The following FHAD1 variants were observed in gnomAD, a reference collection of about 807,000 sequenced individuals.
FHAD1 encodes forkhead associated phosphopeptide binding domain 1, also known as forkhead-associated domain-containing protein 1.
FHAD1 carries 146 observed loss-of-function variants against 191.3 expected under a neutral mutation model. The observed-to-expected ratio is 0.76, with a 90% CI of 0.67 to 0.88. The LOEUF is 0.88. FHAD1 is among the 40% of genes least tolerant of loss of function. The pLI is 0.00. For missense variants in FHAD1, 1,635 were observed against 1,785.8 expected, an observed-to-expected ratio of 0.92 and a Z score of 1.52; for synonymous variants, 616 against 672.3, an observed-to-expected ratio of 0.92 and a Z score of 1.29.
intron 29 of FHAD1, 136 bp downstream of exon 29, chr1:15,380,932 C>G: frequency 1.5e-6 from 1 of 675,912 alleles, no homozygotes; most frequent in Non-Finnish European, 2.5e-6. Context: ...GACCTACCTA[C>G]TATCCCAGCA....
intron 16 of FHAD1, among the ~76,000 whole-genome samples, chr1:15,344,458 A>G (rs56868486): frequency 6.6e-6 from 1 of 152,378 alleles, no homozygotes; most frequent in East Asian, 1.9e-4. Flanking sequence ...TGTCCCATAA[A>G]GAGCCAGATA....
chr1:15,322,926 A>C (rs1231163628), intron 10 of FHAD1, among the ~76,000 whole-genome samples: 1 of 152,200 alleles, frequency 6.6e-6, no homozygotes, highest in Non-Finnish European at 1.5e-5. Flanking sequence ...ATGGCTAGGG[A>C]GGCCTCAGAA....
chr1:15,269,915 C>CTTTTT (rs144971337), intron 2 of FHAD1, among the ~76,000 whole-genome samples: 10 of 123,088 alleles, frequency 8.1e-5, no homozygotes, highest in African/African-American at 1.8e-4. Flanking sequence ...TTATGGCTCT[C>CTTTTT]TTTTTTTTTT....
At chr1:15,250,268 C>T (rs1432291282) in intron 1 of FHAD1, among the ~76,000 whole-genome samples, 1 of 152,214 alleles carries the variant, frequency 6.6e-6, no homozygotes, top group Non-Finnish European at 1.5e-5. Flanking sequence ...ATTCAAGCAT[C>T]GAGATGAATT....
Position 15,380,797 on chromosome 1 carries a change from G to T in FHAD1, c.3801+1G>T, listed in dbSNP as rs1383426120. 6.4e-7 allele frequency: 1 copy of T among 1,551,088 alleles called. No individual in the cohort carries two copies. The highest frequency in any genetic ancestry group is 2.0e-5 in the Admixed American group (1 of 50,988). ...GGCTTTAGAGCTCAGTGAAAAGCTG[G>T]TATGTACATCCAGCATCCACCCTGC... On this transcript the variant is annotated splice_donor_variant, in intron 29 of 33. Transcript: ENST00000688493. LOFTEE classifies it high-confidence loss of function.
chr1:15,254,989 C>A (rs1156870306), intron 2 of FHAD1, among the ~76,000 whole-genome samples: 2 of 152,088 alleles, frequency 1.3e-5, no homozygotes, highest in Non-Finnish European at 2.9e-5. Context: ...CTTCACTGGG[C>A]CTTTCTGATT....
intron 25 of FHAD1, among the ~76,000 whole-genome samples, chr1:15,369,112 T>G (rs1250246769): frequency 6.6e-6 from 1 of 152,214 alleles, no homozygotes; most frequent in East Asian, 1.9e-4. Context: ...ACAGCAGACA[T>G]GCAGTGAATG....
At chr1:15,380,889 C>A in intron 29 of FHAD1, 93 bp downstream of exon 29, 1 of 893,022 alleles carries the variant, frequency 1.1e-6, no homozygotes, top group Non-Finnish European at 1.8e-6. Flanking sequence ...ATCAACCTCA[C>A]ATGCCTATTT....
At chr1:15,250,315 G>T (rs913538524) in intron 1 of FHAD1, among the ~76,000 whole-genome samples, 2 of 152,228 alleles carry the variant, frequency 1.3e-5, no homozygotes, top group African/African-American at 4.8e-5. Flanking sequence ...AGTCACTGAA[G>T]TGTTTGTCTT....
intron 26 of FHAD1, among the ~76,000 whole-genome samples, chr1:15,370,009 C>A (rs6692333): frequency 0.027 from 4,149 of 152,296 alleles, 83 homozygotes; most frequent in African/African-American, 0.058. Flanking sequence ...AGGTCTCACT[C>A]TGTCACCCAG....
intron 2 of FHAD1, among the ~76,000 whole-genome samples, chr1:15,253,939 G>A (rs932469087): frequency 1.3e-5 from 2 of 151,860 alleles, no homozygotes; most frequent in Non-Finnish European, 2.9e-5. Flanking sequence ...TTAACTGTAG[G>A]GTTTTTTTAT....
chr1:15,269,341 A>G (rs1654914109), intron 2 of FHAD1, among the ~76,000 whole-genome samples: 2 of 152,238 alleles, frequency 1.3e-5, no homozygotes, highest in African/African-American at 4.8e-5. Context: ...ACTGCTTCCC[A>G]CAAATTTTAA....
intron 8 of FHAD1, 35 bp downstream of exon 8, chr1:15,313,222 C>A: frequency 6.5e-7 from 1 of 1,547,430 alleles, no homozygotes. Flanking sequence ...TTGTAGCCAT[C>A]CGGTGAAAAG....
intron 10 of FHAD1, among the ~76,000 whole-genome samples, chr1:15,324,162 G>C (rs1677371690): frequency 1.3e-5 from 2 of 152,230 alleles, no homozygotes. Context: ...TCACAGAGCA[G>C]TGAAATGACT....
intron 3 of FHAD1, among the ~76,000 whole-genome samples, chr1:15,274,802 G>T (rs1657616773): frequency 6.6e-6 from 1 of 152,132 alleles, no homozygotes; most frequent in African/African-American, 2.4e-5. Context: ...TTGCAGACAA[G>T]GAATCTGAAA....
rs968601433 is a variant in FHAD1, at chr1:15,296,550, G to A, written c.569-134G>A. ...TTACAGGCGTGAGCCACAGCGCCCG[G>A]CCTTTAATTTTTAAATTACATAAAA... On this transcript the variant is annotated intron_variant, in intron 4 of 33. Coordinates refer to ENST00000688493, the MANE Select transcript of FHAD1 (RefSeq NM_001391957.1). The A allele has an allele frequency of 4.5e-6, 4 of 892,558 alleles. No homozygotes were observed. The African/African-American group carries it at 6.6e-5, about 15-fold the overall frequency. 55.3% of individuals were successfully genotyped at this position (892,558 alleles called of 1,614,324 possible). A position where few individuals can be genotyped will look rare whatever the true frequency, so the allele number is the denominator to read the frequency against.
chr1:15,393,932 A>G (rs963541936), intron 33 of FHAD1, among the ~76,000 whole-genome samples: 5 of 151,996 alleles, frequency 3.3e-5, no homozygotes, highest in Non-Finnish European at 7.4e-5. Flanking sequence ...GTATATTTAA[A>G]CTTAGACCTG....
intron 18 of FHAD1, 139 bp downstream of exon 18, chr1:15,345,662 C>T: frequency 1.4e-6 from 1 of 694,946 alleles, no homozygotes; most frequent in Non-Finnish European, 2.5e-6. Flanking sequence ...GGCTCAGCTA[C>T]TTTGGGAAGC....
chr1:15,281,529 G>A (rs1435287054), intron 3 of FHAD1, among the ~76,000 whole-genome samples: 1 of 152,056 alleles, frequency 6.6e-6, no homozygotes, highest in African/African-American at 2.4e-5. Context: ...GGAAGTCAAG[G>A]TGGGTGGATC....
Sources: gnomAD v4.1 joint callset for allele counts (sites outside exome capture counted in the v4.1 genomes callset) on GRCh38, gnomAD v4.1.1 for gene constraint, MANE v1.5 for transcripts, NCBI Gene and HGNC (gene_info 2026-07-23, HGNC 2026-07-21) for gene names.